The following FBN2 variants were observed in gnomAD, a reference collection of about 807,000 sequenced individuals.
FBN2 encodes the protein fibrillin 2.
In FBN2, 105 loss-of-function variants were observed where a neutral mutation model predicts 355.6. That is an observed-to-expected ratio of 0.30 (90% CI 0.25 to 0.35). The LOEUF (loss-of-function observed/expected upper bound fraction) is 0.35. Ranked by LOEUF, FBN2 falls within the 10% of genes least tolerant of loss-of-function variation. The probability of loss-of-function intolerance (pLI) is 1.00; values close to 1 mark genes in which losing one functional copy is unlikely to be tolerated. For synonymous variants in FBN2, 1,350 were observed against 1,301.2 expected (o/e 1.04, Z -0.81); for missense variants, 3,280 against 3,758.7 (o/e 0.87, Z 3.33).
Position 128,364,719 on chromosome 5 carries a change from T to C in FBN2, c.2309A>G (p.Asn770Ser), listed in dbSNP as rs1751723146. 1 of 1,612,414 alleles carries C rather than the reference T, an allele frequency of 6.2e-7. No homozygotes were observed. Among genetic ancestry groups the C allele is most frequent in the South Asian group, 1.1e-5 (1 of 91,014 alleles). The change falls in exon 18 of 65, where the codon AAT becomes AGT. Residue 770 changes from asparagine to serine, a missense_variant. Physicochemically the swap from Asn to Ser is conservative, Grantham distance 46. Coordinates refer to ENST00000262464, the MANE Select transcript of FBN2 (RefSeq NM_001999.4). ...TATATCAGGATCCAAAGCACATTCATTGATATCTGCATTAAATATTGAAAG... is the reference window on the plus strand; with the variant it reads ...TATATCAGGATCCAAAGCACATTCACTGATATCTGCATTAAATATTGAAAG... ...VGITVDGRDI[N>S]ECALDPDICA...
chr5:128,261,696 G>A (rs1399612929), intron 64 of FBN2, 40 bp downstream of exon 64: 3 of 1,599,742 alleles, frequency 1.9e-6, no homozygotes, highest in South Asian at 1.1e-5. Flanking sequence ...GACTCCGTAG[G>A]GATAAAATTT....
chr5:128,408,192 C>T (rs1350980233), intron 8 of FBN2, among the ~76,000 whole-genome samples: 1 of 152,170 alleles, frequency 6.6e-6, no homozygotes, highest in African/African-American at 2.4e-5. Flanking sequence ...TTCACCATGA[C>T]TGTAGCACTA....
intron 4 of FBN2, among the ~76,000 whole-genome samples, chr5:128,520,647 T>A: frequency 6.6e-6 from 1 of 152,268 alleles, no homozygotes; most frequent in East Asian, 1.9e-4. Flanking sequence ...GTGATTTCTG[T>A]TCTGCTGATG....
intron 62 of FBN2, among the ~76,000 whole-genome samples, chr5:128,269,458 CAAA>C (rs796886141): frequency 7.2e-6 from 1 of 138,212 alleles, no homozygotes; most frequent in African/African-American, 2.7e-5. Context: ...GACTCCACCC[CAAA>C]AAAAAAACAA....
At chr5:128,477,523 T>C (rs1561475835) in intron 5 of FBN2, among the ~76,000 whole-genome samples, 1 of 152,312 alleles carries the variant, frequency 6.6e-6, no homozygotes. Flanking sequence ...ATTATTATTA[T>C]GTTATATATA....
At chr5:128,391,798 A>G (rs1752519164) in intron 11 of FBN2, among the ~76,000 whole-genome samples, 1 of 152,168 alleles carries the variant, frequency 6.6e-6, no homozygotes, top group Non-Finnish European at 1.5e-5. Context: ...AGAGACAGAA[A>G]TCACAATATT....
chr5:128,418,908 T>A (rs1270498771), intron 7 of FBN2, among the ~76,000 whole-genome samples: 1 of 152,160 alleles, frequency 6.6e-6, no homozygotes, highest in Admixed American at 6.5e-5. Context: ...TTGACAGGGA[T>A]TGTGTTGCAT....
chr5:128,530,010 A>G (rs979346454), intron 3 of FBN2, among the ~76,000 whole-genome samples: 1 of 152,196 alleles, frequency 6.6e-6, no homozygotes, highest in Non-Finnish European at 1.5e-5. Flanking sequence ...AAGACTTAAG[A>G]AAGCATTTAT....
intron 6 of FBN2, among the ~76,000 whole-genome samples, chr5:128,449,439 A>ACT (rs1754175005): frequency 7.1e-6 from 1 of 140,656 alleles, no homozygotes; most frequent in South Asian, 2.2e-4. Flanking sequence ...TATACTGTAT[A>ACT]ATTATATAGT....
chr5:128,409,976 T>C (rs1032026179), intron 7 of FBN2, among the ~76,000 whole-genome samples: 4 of 152,232 alleles, frequency 2.6e-5, no homozygotes, highest in African/African-American at 7.2e-5. Context: ...CAAGTCACTC[T>C]TGCCTACAAG....
chr5:128,316,027 T>C (rs1377749806), intron 36 of FBN2, among the ~76,000 whole-genome samples: 11 of 152,228 alleles, frequency 7.2e-5, no homozygotes, highest in Non-Finnish European at 1.6e-4. Flanking sequence ...CTTCATTTTT[T>C]TCTCTTTGCC....
chr5:128,408,838 C>A, intron 7 of FBN2, 39 bp from the exon 8 acceptor site: 2 of 1,612,250 alleles, frequency 1.2e-6, no homozygotes, highest in Non-Finnish European at 1.7e-6. Flanking sequence ...TGAGAAAGGC[C>A]TTCATTAAAT....
Position 128,332,999 on chromosome 5 carries a change from C to A in FBN2, c.4135G>T (p.Asp1379Tyr). The A allele has an allele frequency of 6.2e-7, 1 of 1,612,938 alleles. No individual in the cohort carries two copies. The highest frequency in any genetic ancestry group is 2.2e-5 in the East Asian group (1 of 44,864). ...DECEIGAHNCDMHASCLNIPG... is the reference protein window; with the variant it reads ...DECEIGAHNCYMHASCLNIPG... ...ATATTCAGACATGAGGCATGCATGTCGCAGTTATGAGCACCAATTTCACAC... is the reference window on the plus strand; with the variant it reads ...ATATTCAGACATGAGGCATGCATGTAGCAGTTATGAGCACCAATTTCACAC... Residue 1379 changes from aspartate to tyrosine, a missense_variant, in exon 32 of 65, where the codon GAC becomes TAC. Transcript: ENST00000262464.
intron 13 of FBN2, among the ~76,000 whole-genome samples, 184 bp from the exon 14 acceptor site, chr5:128,377,037 C>T (rs1455554433): frequency 6.6e-6 from 1 of 152,070 alleles, no homozygotes; most frequent in African/African-American, 2.4e-5. Context: ...TGGAAAGGAC[C>T]TTCAGTATAT....
At chr5:128,304,479 A>T (rs956326000) in intron 45 of FBN2, among the ~76,000 whole-genome samples, 1 of 152,250 alleles carries the variant, frequency 6.6e-6, no homozygotes, top group Non-Finnish European at 1.5e-5. Flanking sequence ...AACACAAAAT[A>T]TGTACATAAA....
chr5:128,384,530 G>A (rs1252168076), intron 11 of FBN2, among the ~76,000 whole-genome samples: 3 of 151,958 alleles, frequency 2.0e-5, no homozygotes, highest in African/African-American at 7.3e-5. Context: ...AAAAAGATAT[G>A]GTCTTGTCTT....
intron 7 of FBN2, among the ~76,000 whole-genome samples, chr5:128,415,343 C>T (rs977820201): frequency 2.6e-5 from 4 of 152,152 alleles, no homozygotes; most frequent in Non-Finnish European, 5.9e-5. Context: ...TAAGTAACTT[C>T]TCTTCATCCT....
At chr5:128,309,134 T>A (rs1291575459) in intron 41 of FBN2, 113 bp downstream of exon 41, 2 of 1,134,350 alleles carry the variant, frequency 1.8e-6, no homozygotes, top group East Asian at 2.4e-5. Context: ...CTCTTGGGAA[T>A]TTTTGGAACT....
chr5:128,498,082 A>G (rs1183729843), intron 5 of FBN2, among the ~76,000 whole-genome samples: 1 of 152,180 alleles, frequency 6.6e-6, no homozygotes, highest in Non-Finnish European at 1.5e-5. Flanking sequence ...TGTGTCAGAC[A>G]CATTACTGGG....
Sources: allele counts gnomAD v4.1 joint callset (sites outside exome capture counted in the v4.1 genomes callset), GRCh38; gene constraint gnomAD v4.1.1; transcripts MANE v1.5; gene names NCBI Gene and HGNC (gene_info 2026-07-23, HGNC 2026-07-21).